NEGR1: variants seen among roughly 807,000 people sequenced by gnomAD.
The protein encoded by NEGR1 is neuronal growth regulator 1.
A neutral mutation model predicts 40.9 loss-of-function variants in NEGR1; 10 were observed. The observed-to-expected ratio is 0.24, with a 90% confidence interval of 0.15 to 0.42. The LOEUF is 0.42. NEGR1 is among the 10% of genes least tolerant of loss of function. The pLI is 1.00. For synonymous variants in NEGR1, 185 were observed against 166.8 expected (o/e 1.11, Z -0.84); for missense variants, 352 against 438.9 (o/e 0.80, Z 1.77).
chr1:72,213,340 T>G (rs917458482), intron 1 of NEGR1, among the ~76,000 whole-genome samples: 5 of 151,812 alleles, frequency 3.3e-5, no homozygotes, highest in Non-Finnish European at 7.4e-5. Flanking sequence ...TTCCATATGC[T>G]TAGAAGATTT....
chr1:71,828,597 C>T (rs1317247786), intron 2 of NEGR1, among the ~76,000 whole-genome samples: 1 of 151,900 alleles, frequency 6.6e-6, no homozygotes, highest in Non-Finnish European at 1.5e-5. Flanking sequence ...CACAATTTCA[C>T]TGTCTTTTCA....
rs114964253 is a variant in NEGR1, at chr1:71,755,632, C to T, written c.535+20540G>A. On this transcript the variant is annotated intron_variant, in intron 3 of 6. Coordinates refer to ENST00000357731, the MANE Select transcript of NEGR1 (RefSeq NM_173808.3). ...AACAGAACAACTTTTGTCTTGCCTT[C>T]AAGCATTTTAAATGCTGTTCCCATC... Among the ~76,000 whole-genome samples the T allele has an allele frequency of 8.9e-3, 1,362 of 152,310 alleles. 24 individuals carry two copies. The highest frequency in any genetic ancestry group is 0.031 in the African/African-American group (1,307 of 41,570).
At chr1:71,913,979 A>G (rs1661497770) in intron 2 of NEGR1, among the ~76,000 whole-genome samples, 1 of 152,204 alleles carries the variant, frequency 6.6e-6, no homozygotes, top group African/African-American at 2.4e-5. Flanking sequence ...TGATCACAAT[A>G]CCAACATTCT....
At chr1:71,835,550 A>T (rs1463364865) in intron 2 of NEGR1, among the ~76,000 whole-genome samples, 1 of 152,086 alleles carries the variant, frequency 6.6e-6, no homozygotes, top group Non-Finnish European at 1.5e-5. Context: ...GGTTCTAACA[A>T]AAGAGGATGC....
intron 4 of NEGR1, among the ~76,000 whole-genome samples, chr1:71,625,375 T>C (rs1422663146): frequency 6.6e-6 from 1 of 151,970 alleles, no homozygotes. Context: ...GGCTTAAAAA[T>C]ATTTGAACTA....
chr1:72,201,572 T>A (rs1653211663), intron 1 of NEGR1, among the ~76,000 whole-genome samples: 1 of 151,818 alleles, frequency 6.6e-6, no homozygotes, highest in Admixed American at 6.6e-5. Flanking sequence ...TACAGACACA[T>A]GCAAGGACAA....
chr1:71,860,013 A>C (rs1222343274), intron 2 of NEGR1, among the ~76,000 whole-genome samples: 3 of 152,010 alleles, frequency 2.0e-5, no homozygotes, highest in East Asian at 3.9e-4. Context: ...AGCTGCCAAC[A>C]GTCTATTTCC....
chr1:72,157,903 G>A (rs1488824619), intron 1 of NEGR1, among the ~76,000 whole-genome samples: 1 of 152,118 alleles, frequency 6.6e-6, no homozygotes, highest in Non-Finnish European at 1.5e-5. Context: ...CACACTATGA[G>A]ACCCTGTCTA....
intron 1 of NEGR1, among the ~76,000 whole-genome samples, chr1:72,005,244 G>A (rs1411625893): frequency 6.6e-6 from 1 of 152,002 alleles, no homozygotes; most frequent in Non-Finnish European, 1.5e-5. Context: ...GATAGGGTGG[G>A]GGAGGCAAAA....
At chr1:71,812,550 C>A (rs981817492) in intron 2 of NEGR1, among the ~76,000 whole-genome samples, 1 of 152,090 alleles carries the variant, frequency 6.6e-6, no homozygotes, top group Non-Finnish European at 1.5e-5. Context: ...CACAGCCTTG[C>A]CAATAGCTGT....
At chr1:71,567,056 A>C (rs1304811788) in intron 6 of NEGR1, among the ~76,000 whole-genome samples, 4 of 152,210 alleles carry the variant, frequency 2.6e-5, no homozygotes, top group Middle Eastern at 3.2e-3. Flanking sequence ...ATAAACATTT[A>C]GACCATAGCA....
At chr1:72,007,739 C>A (rs1402328964) in intron 1 of NEGR1, among the ~76,000 whole-genome samples, 1 of 152,102 alleles carries the variant, frequency 6.6e-6, no homozygotes, top group Non-Finnish European at 1.5e-5. Flanking sequence ...AGAGTAAACC[C>A]AATTTAATTT....
At chr1:72,152,078 C>T (rs572076859) in intron 1 of NEGR1, among the ~76,000 whole-genome samples, 23 of 151,674 alleles carry the variant, frequency 1.5e-4, no homozygotes, top group South Asian at 1.4e-3. Context: ...ACACATCCTA[C>T]GCAAGCTTAT....
chr1:72,182,263 G>A (rs1274962290), intron 1 of NEGR1, among the ~76,000 whole-genome samples: 3 of 152,104 alleles, frequency 2.0e-5, no homozygotes, highest in Admixed American at 1.3e-4. Flanking sequence ...GGAGACCGAG[G>A]CAGGCGGGTC....
At chr1:71,723,625 T>C (rs968477180) in intron 3 of NEGR1, among the ~76,000 whole-genome samples, 2 of 151,950 alleles carry the variant, frequency 1.3e-5, no homozygotes, top group African/African-American at 4.8e-5. Flanking sequence ...TTGGAAGGCT[T>C]TCAGACCTCA....
At chr1:71,791,941 AAC>A (rs2101736303) in intron 2 of NEGR1, among the ~76,000 whole-genome samples, 1 of 152,270 alleles carries the variant, frequency 6.6e-6, no homozygotes, top group East Asian at 1.9e-4. Flanking sequence ...TTTGGAAATA[AAC>A]AGTTAGTAAA....
chr1:72,255,900 T>G (rs142389559), intron 1 of NEGR1, among the ~76,000 whole-genome samples: 22 of 152,300 alleles, frequency 1.4e-4, no homozygotes, highest in African/African-American at 4.6e-4. Context: ...GTAGAAAACA[T>G]TACATTTGCT....
intron 6 of NEGR1, among the ~76,000 whole-genome samples, chr1:71,425,751 A>G (rs1193845504): frequency 1.3e-5 from 2 of 152,170 alleles, no homozygotes; most frequent in African/African-American, 4.8e-5. Context: ...TTTGTGGTCA[A>G]ATAATAAATA....
chr1:71,973,596 C>T (rs999082658), intron 1 of NEGR1, among the ~76,000 whole-genome samples: 3 of 152,090 alleles, frequency 2.0e-5, no homozygotes, highest in African/African-American at 7.2e-5. Context: ...TATCTTTAAG[C>T]AAGTTTTGAA....
Sources: gnomAD v4.1 joint callset for allele counts (sites outside exome capture counted in the v4.1 genomes callset) on GRCh38, gnomAD v4.1.1 for gene constraint, MANE v1.5 for transcripts, NCBI Gene and HGNC (gene_info 2026-07-23, HGNC 2026-07-21) for gene names.